The following IL1B variants were observed in gnomAD, a reference collection of about 807,000 sequenced individuals.
IL1B encodes the protein interleukin 1 beta, also known as interleukin-1 beta.
IL1B carries 11 observed loss-of-function variants against 26.2 expected under a neutral mutation model. The observed-to-expected ratio is 0.42, with a 90% CI of 0.26 to 0.70. The LOEUF (loss-of-function observed/expected upper bound fraction) is 0.70. IL1B is among the 30% of genes least tolerant of loss of function. The pLI is 0.25. For missense variants in IL1B, 255 were observed against 327.5 expected (o/e 0.78, Z 1.71); for synonymous variants, 118 against 120.8 (o/e 0.98, Z 0.15).
Position 112,833,366 on chromosome 2 carries a change from C to A in IL1B, c.301+8G>T. ...GTGGAGATCTACTGCCTGCTCTTGGCTAACTACCTTCTTCAAAGATGAAGG... is the reference window on the plus strand; with the variant it reads ...GTGGAGATCTACTGCCTGCTCTTGGATAACTACCTTCTTCAAAGATGAAGG... On this transcript the variant is annotated splice_region_variant and intron_variant, in intron 4 of 6. Transcript: ENST00000263341. The A allele has an allele frequency of 6.2e-7, 1 of 1,613,878 alleles. No homozygotes were observed. The highest frequency in any genetic ancestry group is 8.5e-7 in the Non-Finnish European group (1 of 1,179,796).
In IL1B at chr2:112,831,568, T is replaced by C. The variant is rs1048740245; in HGVS notation, c.467-146A>G. ...TCCTTGGCCTAAGACACAGGATAAC[T>C]TGACTTCTCACAGACAATAGCAGGG... On this transcript the variant is annotated intron_variant, in intron 5 of 6. Transcript: ENST00000263341. 13 of 848,112 alleles carry C rather than the reference T, an allele frequency of 1.5e-5. No individual in the cohort carries two copies. In the African/African-American group the frequency reaches 1.9e-4, roughly 12 times the overall value. The allele number at this position is 848,112 out of a possible 1,614,324, so 52.5% of individuals were successfully genotyped here.
chr2:112,836,105 G>T, intron 2 of IL1B, 78 bp downstream of exon 2: 3 of 1,385,380 alleles, frequency 2.2e-6, no homozygotes, highest in South Asian at 1.2e-5. Flanking sequence ...GGAAAAATCT[G>T]GTCTCCAAGC....
In IL1B at chr2:112,830,031, C is replaced by T. The variant is rs1163170095; in HGVS notation, c.*330G>A. On this transcript the variant is annotated 3_prime_UTR_variant, in exon 7 of 7. Transcript: ENST00000263341. ...ATAAATAAATAGGGAAGCGGTTGCT[C>T]ATCAGAATGTGGGAGCGAATGACAG... 1 of 268,390 alleles carries T rather than the reference C, an allele frequency of 3.7e-6. No individual in the cohort carries two copies. The highest frequency in any genetic ancestry group is 7.1e-6 in the Non-Finnish European group (1 of 140,294). 16.6% of individuals were successfully genotyped at this position (268,390 alleles called of 1,614,324 possible). A position where few individuals can be genotyped will look rare whatever the true frequency, so the allele number is the denominator to read the frequency against.
At chr2:112,836,078 G>A (rs1682083588) in intron 2 of IL1B, 105 bp downstream of exon 2, 1 of 1,063,640 alleles carries the variant, frequency 9.4e-7, no homozygotes, top group African/African-American at 1.6e-5. Flanking sequence ...GTTTGCCACT[G>A]AAAGAGGCAA....
intron 1 of IL1B, 187 bp downstream of exon 1, chr2:112,836,521 C>T (rs577256798): frequency 5.2e-6 from 2 of 385,988 alleles, no homozygotes; most frequent in Admixed American, 3.7e-5. Context: ...AGAATATTTC[C>T]CGAGTCATAA....
At chr2:112,834,747 A>G (rs1481935256) in intron 3 of IL1B, among the ~76,000 whole-genome samples, 1 of 152,256 alleles carries the variant, frequency 6.6e-6, no homozygotes, top group African/African-American at 2.4e-5. Context: ...AGGCTATCAC[A>G]AACTGGAATA....
At chr2:112,836,132 T>C (rs1156941896) in intron 2 of IL1B, 51 bp downstream of exon 2, 2 of 1,572,994 alleles carry the variant, frequency 1.3e-6, no homozygotes, top group Admixed American at 1.7e-5. Context: ...AACACTCTAC[T>C]CTTGAAAGAG....
intron 1 of IL1B, 107 bp from the exon 2 acceptor site, chr2:112,836,351 G>T: frequency 1.2e-6 from 1 of 822,810 alleles, no homozygotes; most frequent in Non-Finnish European, 2.1e-6. Flanking sequence ...TGATCTCTGA[G>T]TAAATGAATG....
chr2:112,833,306 T>C (rs762344697), intron 4 of IL1B, 68 bp downstream of exon 4: 24 of 1,482,574 alleles, frequency 1.6e-5, no homozygotes, highest in Non-Finnish European at 2.1e-5. Flanking sequence ...GGGAATTGAG[T>C]TGGCTGGGGC....
In IL1B at chr2:112,833,560, G is replaced by C; in HGVS notation, c.115C>G (p.Leu39Val). The change falls in exon 4 of 7, where the codon CTG (leucine) becomes GTG (valine). Residue 39 changes from leucine (L) to valine (V), a missense_variant. Transcript: ENST00000263341. ...PKQMKCSFQDLDLCPLDGGIQ... is the reference protein window; with the variant it reads ...PKQMKCSFQDVDLCPLDGGIQ... ...CCGCCATCCAGAGGGCAGAGGTCCA[G>C]GTCCTGGAAGGAGCACTGCGGAGAG... 1 of 1,614,004 alleles carries C rather than the reference G, an allele frequency of 6.2e-7. No homozygotes were observed. The highest frequency in any genetic ancestry group is 1.3e-5 in the African/African-American group (1 of 75,030).
In IL1B at chr2:112,836,694, G is replaced by C. The variant is rs955214163; in HGVS notation, c.-16+14C>G. 1 of 176,662 alleles carries C rather than the reference G, an allele frequency of 5.7e-6. No individual in the cohort carries two copies. Among genetic ancestry groups the C allele is most frequent in the African/African-American group, 2.4e-5 (1 of 42,222 alleles). 10.9% of individuals were successfully genotyped at this position (176,662 alleles called of 1,614,324 possible). On this transcript the variant is annotated intron_variant, in intron 1 of 6. Coordinates refer to ENST00000263341, the MANE Select transcript of IL1B (RefSeq NM_000576.3). ...TCCCTTAGCACCTAGTTGTAAGGAA[G>C]ATTAAAGTCATACTTGAGCAATGAA...
chr2:112,830,410 T>C lies in IL1B; in HGVS notation c.761A>G (p.Lys254Arg), dbSNP rs1375368693. ...GAAGTCAGTTATATCCTGGCCGCCT[T>C]TGGTCCCTCCCAGGAAGACGGGCAT... ...ENMPVFLGGT[K>R]GGQDITDFTM... The change falls in exon 7 of 7, where the codon AAA becomes AGA. Residue 254 changes from lysine to arginine, a missense_variant. By Grantham distance (26) the Lys-to-Arg change is conservative (BLOSUM62 2). Coordinates refer to ENST00000263341, the MANE Select transcript of IL1B (RefSeq NM_000576.3). 1 of 1,614,146 alleles carries C rather than the reference T, an allele frequency of 6.2e-7. No homozygotes were observed. The highest frequency in any genetic ancestry group is 8.5e-7 in the Non-Finnish European group (1 of 1,180,026).
intron 1 of IL1B, 106 bp from the exon 2 acceptor site, chr2:112,836,350 A>T: frequency 2.4e-6 from 2 of 840,864 alleles, no homozygotes; most frequent in Non-Finnish European, 4.0e-6. Flanking sequence ...ATGATCTCTG[A>T]GTAAATGAAT....
intron 2 of IL1B, 106 bp from the exon 3 acceptor site, chr2:112,835,723 G>C: frequency 1.1e-6 from 1 of 938,104 alleles, no homozygotes. Flanking sequence ...CAAACAGCCT[G>C]CCTCTCAAAG....
rs933672323 is a variant in IL1B at position 112,836,114 on chromosome 2, G to A, written c.47+69C>T. The A allele has an allele frequency of 3.8e-5, 57 of 1,483,590 alleles. 1 individual carries two copies. Among genetic ancestry groups the A allele is most frequent in the Non-Finnish European group, 5.0e-5 (53 of 1,062,192 alleles). 91.9% of individuals were successfully genotyped at this position (1,483,590 alleles called of 1,614,324 possible). A position where few individuals can be genotyped will look rare whatever the true frequency, so the allele number is the denominator to read the frequency against. ...TTTAGGGGAAAAATCTGGTCTCCAA[G>A]CACAGATAACACTCTACTCTTGAAA... is the stretch of plus-strand genomic sequence containing the variant. On this transcript the variant is annotated intron_variant, in intron 2 of 6. Coordinates refer to ENST00000263341, the MANE Select transcript of IL1B (RefSeq NM_000576.3).
intron 1 of IL1B, 72 bp downstream of exon 1, chr2:112,836,636 C>T: frequency 3.7e-6 from 1 of 267,362 alleles, no homozygotes. Context: ...AGAGAATATG[C>T]ATACACACAA....
intron 3 of IL1B, among the ~76,000 whole-genome samples, chr2:112,834,035 A>T (rs1682042631): frequency 6.6e-6 from 1 of 152,102 alleles, no homozygotes; most frequent in African/African-American, 2.4e-5. Context: ...AAAATAAAAT[A>T]AAATAAAAAG....
intron 3 of IL1B, 46 bp downstream of exon 3, chr2:112,835,520 G>T: frequency 6.7e-7 from 1 of 1,493,682 alleles, no homozygotes; most frequent in Non-Finnish European, 9.3e-7. Context: ...AGCTTTCCCT[G>T]TGTTAGAGCC....
intron 3 of IL1B, among the ~76,000 whole-genome samples, chr2:112,833,841 A>G (rs927539214): frequency 5.9e-5 from 9 of 151,956 alleles, no homozygotes; most frequent in South Asian, 2.1e-4. Context: ...AAAAATACAA[A>G]AATTAGCTGG....
Sources: allele counts gnomAD v4.1 joint callset (sites outside exome capture counted in the v4.1 genomes callset), GRCh38; gene constraint gnomAD v4.1.1; transcripts MANE v1.5; gene names NCBI Gene and HGNC (gene_info 2026-07-23, HGNC 2026-07-21).